UTP14A: variants seen among roughly 807,000 people sequenced by gnomAD.
The protein encoded by UTP14A is UTP14A small subunit processome component.
UTP14A carries 5 observed loss-of-function variants against 57.2 expected under a neutral mutation model. The ratio of observed to expected loss-of-function variants is 0.09; its 90% CI spans 0.05 to 0.18. The LOEUF (loss-of-function observed/expected upper bound fraction) is 0.18. UTP14A is among the 10% of genes least tolerant of loss of function. The pLI is 1.00. For missense variants in UTP14A, 430 were observed against 562.1 expected (o/e 0.76, Z 2.38); for synonymous variants, 169 against 210.9 (o/e 0.80, Z 1.72).
At chrX:129,908,867 G>A (rs1929354599) in intron 4 of UTP14A, 133 bp downstream of exon 4, 2 of 579,840 alleles carry the variant, frequency 3.4e-6, no homozygotes, top group African/African-American at 4.5e-5. Flanking sequence ...GGGAGAGTGG[G>A]TGAAGAAGTG....
Position 129,926,303 on chromosome X carries a change from C to T in UTP14A, c.2007C>T (p.Ile669=). ...ATAAGAATTTGCCAAATGTGATTATCAATGAGAAGCGCAACATCCACGCAG... is the reference window on the plus strand; with the variant it reads ...ATAAGAATTTGCCAAATGTGATTATTAATGAGAAGCGCAACATCCACGCAG... ...RKDKNLPNVI[I]NEKRNIHAAA... The change falls in exon 14 of 15, where the codon ATC becomes ATT. Residue 669 remains isoleucine (I), a synonymous_variant. Coordinates refer to ENST00000394422, the MANE Select transcript of UTP14A (RefSeq NM_006649.4). 8.3e-7 allele frequency: 1 copy of T among 1,211,741 alleles called. No homozygotes were observed. Among genetic ancestry groups the T allele is most frequent in the Non-Finnish European group, 1.1e-6 (1 of 895,483 alleles).
intron 1 of UTP14A, among the ~76,000 whole-genome samples, chrX:129,906,738 G>A (rs1379446946): frequency 9.5e-6 from 1 of 105,493 alleles, no homozygotes; most frequent in Non-Finnish European, 1.9e-5. Flanking sequence ...TTAGGTAATG[G>A]TACATTTTAT....
intron 6 of UTP14A, among the ~76,000 whole-genome samples, chrX:129,912,269 C>T (rs763971672): frequency 3.5e-4 from 38 of 109,636 alleles, no homozygotes; most frequent in African/African-American, 1.1e-3. Flanking sequence ...TGCACCAACA[C>T]GCCCAGCTAA....
intron 6 of UTP14A, among the ~76,000 whole-genome samples, chrX:129,914,230 T>C (rs1050693507): frequency 2.7e-5 from 3 of 111,164 alleles, no homozygotes; most frequent in African/African-American, 6.5e-5. Flanking sequence ...ACAACTTAGA[T>C]TGCAAAGTAC....
intron 1 of UTP14A, 34 bp downstream of exon 1, chrX:129,906,270 T>C (rs2235731): frequency 1.3e-5 from 15 of 1,184,203 alleles, no homozygotes; most frequent in Non-Finnish European, 1.6e-5. Context: ...GGATTCTGGG[T>C]CTCGTTGGGG....
rs768963146 is a variant in UTP14A at position 129,906,196 on chromosome X, A to G, written c.-15A>G. The G allele has an allele frequency of 8.3e-7, 1 of 1,210,421 alleles. No homozygotes were observed. ...CTTCCGTTCTTGGTCCATGTGAGAG[A>G]AGCTGGCTGCTGAAATGACTGCGAA... On this transcript the variant is annotated 5_prime_UTR_variant, in exon 1 of 15. Coordinates refer to ENST00000394422, the MANE Select transcript of UTP14A (RefSeq NM_006649.4).
intron 6 of UTP14A, among the ~76,000 whole-genome samples, chrX:129,916,520 G>C (rs1030763565): frequency 2.7e-5 from 3 of 111,462 alleles, no homozygotes; most frequent in Non-Finnish European, 3.8e-5. Flanking sequence ...CTCTCCGCCA[G>C]CTTATACAGG....
intron 11 of UTP14A, among the ~76,000 whole-genome samples, chrX:129,923,557 G>A (rs1929989193): frequency 9.0e-6 from 1 of 111,717 alleles, no homozygotes; most frequent in African/African-American, 3.3e-5. Flanking sequence ...TTACAGGTGT[G>A]AGCCACTGTG....
At chrX:129,907,967 A>C (rs953327996) in intron 2 of UTP14A, 93 bp from the exon 3 acceptor site, 57 of 791,606 alleles carry the variant, frequency 7.2e-5, no homozygotes, top group Non-Finnish European at 9.6e-5. Flanking sequence ...AAAATAAATA[A>C]ATAAATAACA....
At chrX:129,910,958 A>C in intron 4 of UTP14A, 50 bp from the exon 5 acceptor site, 1 of 1,195,551 alleles carries the variant, frequency 8.4e-7, no homozygotes, top group Non-Finnish European at 1.1e-6. Flanking sequence ...CATTATATTG[A>C]GATCTTGTCT....
rs2124183582 is a variant in UTP14A, at chrX:129,906,180, T to A, written c.-31T>A. ...AATTGCTTTCCTTCGGCTTCCGTTC[T>A]TGGTCCATGTGAGAGAAGCTGGCTG... On this transcript the variant is annotated 5_prime_UTR_variant, in exon 1 of 15. It adds an upstream start codon to the 5' untranslated region. Transcript: ENST00000394422. The A allele has an allele frequency of 8.3e-7, 1 of 1,209,136 alleles. No homozygotes were observed. Among genetic ancestry groups the A allele is most frequent in the Non-Finnish European group, 1.1e-6 (1 of 894,327 alleles).
At chrX:129,926,397 G>C (rs1490044271) in intron 14 of UTP14A, 58 bp downstream of exon 14, 3 of 1,033,878 alleles carry the variant, frequency 2.9e-6, no homozygotes, top group African/African-American at 1.9e-5. Context: ...TCTCTTGCTT[G>C]AGAGGAGTAT....
At chrX:129,912,065 C>G (rs1312820320) in intron 6 of UTP14A, 144 bp downstream of exon 6, 1 of 719,720 alleles carries the variant, frequency 1.4e-6, no homozygotes, top group East Asian at 3.6e-5. Context: ...GGTTGCCCAT[C>G]GTCATTGTCA....
At chrX:129,913,885 G>A (rs1929576700) in intron 6 of UTP14A, among the ~76,000 whole-genome samples, 1 of 111,810 alleles carries the variant, frequency 8.9e-6, no homozygotes, top group Non-Finnish European at 1.9e-5. Context: ...GGGGGCTGAG[G>A]CAGGAGGATC....
Position 129,907,349 on chromosome X carries a change from T to C in UTP14A, c.27-18T>C. 8.3e-7 allele frequency: 1 copy of C among 1,199,776 alleles called. No individual in the cohort carries two copies. Among genetic ancestry groups the C allele is most frequent in the Non-Finnish European group, 1.1e-6 (1 of 889,276 alleles). On this transcript the variant is annotated intron_variant, in intron 1 of 14. Transcript: ENST00000394422. ...TGGGTATATTGCATTCACATTTCTCTGTTGCCTCTTTTAACAGCCTTCTGG... is the reference window on the plus strand; with the variant it reads ...TGGGTATATTGCATTCACATTTCTCCGTTGCCTCTTTTAACAGCCTTCTGG...
At chrX:129,912,309 TG>T (rs1245177187) in intron 6 of UTP14A, among the ~76,000 whole-genome samples, 1 of 107,802 alleles carries the variant, frequency 9.3e-6, no homozygotes, top group East Asian at 2.9e-4. Context: ...TTAGTAGAGA[TG>T]GGGTTTCACC....
chrX:129,912,576 T>C (rs1391450951), intron 6 of UTP14A, among the ~76,000 whole-genome samples: 8 of 111,493 alleles, frequency 7.2e-5, no homozygotes, highest in Non-Finnish European at 1.5e-4. Flanking sequence ...ATTCTGATCC[T>C]AGGGAAATCA....
In UTP14A at chrX:129,921,403, A is replaced by G. The variant is rs1188250225; in HGVS notation, c.1164A>G (p.Ala388=). The change falls in exon 11 of 15, where the codon GCA becomes GCG. Residue 388 remains alanine, a synonymous_variant. Coordinates refer to ENST00000394422, the MANE Select transcript of UTP14A (RefSeq NM_006649.4). ...GCACCAGTGACACCAAAGAGGCTGC[A>G]ACCCAGGAGGACCCTGAGCAACTGC... The part of the protein sequence containing the change: ...RSCTSDTKEA[A]TQEDPEQLPE... The G allele has an allele frequency of 1.4e-5, 17 of 1,210,063 alleles. No individual in the cohort carries two copies. The highest frequency in any genetic ancestry group is 1.9e-5 in the Non-Finnish European group (17 of 895,295).
chrX:129,919,008 A>G (rs2077218207), intron 6 of UTP14A, among the ~76,000 whole-genome samples, 167 bp from the exon 7 acceptor site: 1 of 112,245 alleles, frequency 8.9e-6, no homozygotes, highest in Non-Finnish European at 1.9e-5. Context: ...GGCTTTATTT[A>G]TACTTCTGAC....
Sources: allele counts gnomAD v4.1 joint callset (sites outside exome capture counted in the v4.1 genomes callset), GRCh38; gene constraint gnomAD v4.1.1; transcripts MANE v1.5; gene names NCBI Gene and HGNC (gene_info 2026-07-23, HGNC 2026-07-21).